The following MYLK4 variants were observed in gnomAD, a reference collection of about 807,000 sequenced individuals.
MYLK4 encodes the protein myosin light chain kinase family member 4.
A neutral mutation model predicts 48.1 loss-of-function variants in MYLK4; 46 were observed. The ratio of observed to expected loss-of-function variants is 0.96; its 90% CI spans 0.75 to 1.22. MYLK4 has a LOEUF of 1.22. MYLK4 is among the 50% of genes most tolerant of loss of function. MYLK4 has a pLI of 0.00. For synonymous variants in MYLK4, 170 were observed against 180.8 expected, an observed-to-expected ratio of 0.94 and a Z score of 0.48; for missense variants, 451 against 486.1, an observed-to-expected ratio of 0.93 and a Z score of 0.68.
At chr6:2,687,032 T>C (rs1761584478) in intron 4 of MYLK4, among the ~76,000 whole-genome samples, 1 of 152,204 alleles carries the variant, frequency 6.6e-6, no homozygotes, top group South Asian at 2.1e-4. Flanking sequence ...GGATTCATGC[T>C]GGTTCAACAC....
At chr6:2,733,076 T>C (rs1203787501) in intron 2 of MYLK4, among the ~76,000 whole-genome samples, 1 of 152,232 alleles carries the variant, frequency 6.6e-6, no homozygotes, top group Non-Finnish European at 1.5e-5. Context: ...TGGTCTCAGC[T>C]CTTCTTTAAA....
chr6:2,736,624 C>A (rs1430954455), intron 2 of MYLK4, among the ~76,000 whole-genome samples: 2 of 152,216 alleles, frequency 1.3e-5, no homozygotes, highest in Non-Finnish European at 2.9e-5. Flanking sequence ...AGCTTCAGAG[C>A]TAGACTGTAT....
At position 2,673,422 on chromosome 6, in the gene MYLK4, G is replaced by A. The variant is rs1760976664; in HGVS notation, c.1119+1625C>T. Among the ~76,000 whole-genome samples, 1 of 152,216 alleles carries A rather than the reference G, an allele frequency of 6.6e-6. No individual in the cohort carries two copies. Among genetic ancestry groups the A allele is most frequent in the South Asian group, 2.1e-4 (1 of 4,830 alleles). ...AAGTTAATTTCAATAAAAACTGGAT[G>A]TGGAAAAAGTGAGTACCTAAGGCAT... On this transcript the variant is annotated intron_variant, in intron 11 of 12. Coordinates refer to ENST00000274643, the MANE Select transcript of MYLK4 (RefSeq NM_001012418.5). The surrounding 1 kb of genome is among the most constrained non-coding windows in gnomAD (Gnocchi z 4.2).
At chr6:2,716,376 G>C (rs1486587121) in intron 2 of MYLK4, among the ~76,000 whole-genome samples, 1 of 152,182 alleles carries the variant, frequency 6.6e-6, no homozygotes, top group South Asian at 2.1e-4. Flanking sequence ...TCCTGTTTGG[G>C]TAAATCCTTT....
chr6:2,683,915 AG>A (rs1350485526), intron 6 of MYLK4, among the ~76,000 whole-genome samples: 4 of 152,158 alleles, frequency 2.6e-5, no homozygotes, highest in African/African-American at 9.7e-5. Context: ...GGCTGGTGCT[AG>A]ACACAGTAAT....
chr6:2,711,431 G>A lies in MYLK4; in HGVS notation c.160-18572C>T, dbSNP rs1240657556. Among the ~76,000 whole-genome samples, 3 of 152,200 alleles carry A rather than the reference G, an allele frequency of 2.0e-5. No individual in the cohort carries two copies. In the East Asian group the frequency reaches 5.8e-4, roughly 29 times the overall value. The stretch of plus-strand genomic sequence containing the variant: ...AGCATCCTCCTACCTTCACACTCAG[G>A]TGGTTCCATGTTCTAAATATTCTTA... On this transcript the variant is annotated intron_variant, in intron 2 of 12. Coordinates refer to ENST00000274643, the MANE Select transcript of MYLK4 (RefSeq NM_001012418.5).
chr6:2,736,729 G>A (rs1025063351), intron 2 of MYLK4, among the ~76,000 whole-genome samples: 11 of 152,214 alleles, frequency 7.2e-5, no homozygotes, highest in African/African-American at 9.7e-5. Context: ...GAAAAGGACA[G>A]AAACTGGAAG....
Position 2,672,788 on chromosome 6 carries a change from C to T in MYLK4, c.1120-1440G>A, listed in dbSNP as rs1760951697. Reference sequence around the variant, plus strand: ...AGGTCCCCTGTACCCAGCAGCCCATCACCGGCAGGAGAGCAGAGCAGTGAG... The same window carrying T: ...AGGTCCCCTGTACCCAGCAGCCCATTACCGGCAGGAGAGCAGAGCAGTGAG... On this transcript the variant is annotated intron_variant, in intron 11 of 12. Coordinates refer to ENST00000274643, the MANE Select transcript of MYLK4 (RefSeq NM_001012418.5). The surrounding 1 kb of genome is among the most constrained non-coding windows in gnomAD (Gnocchi z 4.3). Among the ~76,000 whole-genome samples the T allele has an allele frequency of 6.6e-6, 1 of 152,220 alleles. No individual in the cohort carries two copies. The highest frequency in any genetic ancestry group is 1.5e-5 in the Non-Finnish European group (1 of 68,044).
chr6:2,732,961 G>A (rs1003109305), intron 2 of MYLK4, among the ~76,000 whole-genome samples: 4 of 152,174 alleles, frequency 2.6e-5, no homozygotes, highest in African/African-American at 9.7e-5. Context: ...TAACACTGGA[G>A]TTGGATTTCA....
intron 2 of MYLK4, among the ~76,000 whole-genome samples, chr6:2,696,194 C>T (rs1762052693): frequency 6.6e-6 from 1 of 152,210 alleles, no homozygotes; most frequent in South Asian, 2.1e-4. Context: ...TTAGCTCTCT[C>T]CACTCTGTCT....
the MYLK4 span, among the ~76,000 whole-genome samples, chr6:2,757,144 T>C: frequency 6.6e-6 from 1 of 151,918 alleles, no homozygotes; most frequent in African/African-American, 2.4e-5. Context: ...GTGTGCTTTT[T>C]TTTTTTTTAA....
chr6:2,764,214 C>T, the MYLK4 span, among the ~76,000 whole-genome samples: 1 of 152,206 alleles, frequency 6.6e-6, no homozygotes, highest in African/African-American at 2.4e-5. Context: ...TCTAGCGTTT[C>T]TATTAATCTT....
At position 2,677,177 on chromosome 6, in the gene MYLK4, A is replaced by G. The variant is rs79737922; in HGVS notation, c.1040+1043T>C. ...ATTTTATTACATCTTTTTAAAAAAT[A>G]TCTATCCCTTTTATTAGATGGTGAG... On this transcript the variant is annotated intron_variant, in intron 10 of 12. Coordinates refer to ENST00000274643, the MANE Select transcript of MYLK4 (RefSeq NM_001012418.5). Among the ~76,000 whole-genome samples the G allele has an allele frequency of 8.4e-3, 1,284 of 152,296 alleles. 22 individuals carry two copies. The highest frequency in any genetic ancestry group is 0.029 in the African/African-American group (1,219 of 41,558).
In MYLK4 at chr6:2,672,956, T is replaced by TTGTGTATTAGCTGTAATACAC. The variant is rs1760959858; in HGVS notation, c.1120-1609_1120-1608insGTGTATTACAGCTAATACACA. ...AGAAGAGTACCTCCACAATACTGTA[T>TTGTGTATTAGCTGTAATACAC]AATTATAGCTGTAATAACTAGATTT... On this transcript the variant is annotated intron_variant, in intron 11 of 12. Coordinates refer to ENST00000274643, the MANE Select transcript of MYLK4 (RefSeq NM_001012418.5). The surrounding 1 kb of genome is among the most constrained non-coding windows in gnomAD (Gnocchi z 4.3). 6.6e-6 allele frequency among the ~76,000 whole-genome samples: 1 copy of TTGTGTATTAGCTGTAATACAC among 152,216 alleles called. No individual in the cohort carries two copies. Among genetic ancestry groups the TTGTGTATTAGCTGTAATACAC allele is most frequent in the Non-Finnish European group, 1.5e-5 (1 of 68,044 alleles).
intron 12 of MYLK4, among the ~76,000 whole-genome samples, chr6:2,668,984 C>G (rs1016246942): frequency 6.6e-6 from 1 of 152,054 alleles, no homozygotes; most frequent in African/African-American, 2.4e-5. Context: ...AGGAGGATCA[C>G]TTGAGTCCAG....
chr6:2,746,106 T>A (rs894199147), intron 2 of MYLK4, among the ~76,000 whole-genome samples: 13 of 87,266 alleles, frequency 1.5e-4, no homozygotes, highest in Non-Finnish European at 2.7e-4. Context: ...CAAAAAAAAA[T>A]ATAAAAAAAA....
At chr6:2,678,711 G>GTTTTTTT (rs11344815) in intron 9 of MYLK4, among the ~76,000 whole-genome samples, 1 of 132,322 alleles carries the variant, frequency 7.6e-6, no homozygotes, top group African/African-American at 2.8e-5. Flanking sequence ...TAGGAGATCA[G>GTTTTTTT]TTTTTTTTTT....
rs1383911427 is a variant in MYLK4, at chr6:2,685,240, G to T, written c.545+56C>A. The T allele has an allele frequency of 7.4e-7, 1 of 1,345,630 alleles. No individual in the cohort carries two copies. Among genetic ancestry groups the T allele is most frequent in the East Asian group, 2.3e-5 (1 of 43,004 alleles). The allele number at this position is 1,345,630 out of a possible 1,614,324, so 83.4% of individuals were successfully genotyped here. On this transcript the variant is annotated intron_variant, in intron 6 of 12. Transcript: ENST00000274643. This position sits in a 1 kb window ranked among gnomAD's most constrained non-coding sequence, Gnocchi z 4.5. ...AGCAGGACGGAGCTACTGAGGCACG[G>T]TCACGGTCATGAGTGCCCTTGGGGA...
chr6:2,745,755 G>A (rs1764063531), intron 2 of MYLK4, among the ~76,000 whole-genome samples: 2 of 151,686 alleles, frequency 1.3e-5, no homozygotes, highest in Non-Finnish European at 2.9e-5. Context: ...GGAGACCCCT[G>A]TCTCTACAAA....
Sources: gnomAD v4.1 joint callset for allele counts (sites outside exome capture counted in the v4.1 genomes callset) on GRCh38, gnomAD v4.1.1 for gene constraint, Gnocchi (gnomAD v3.1) non-coding constraint, MANE v1.5 for transcripts, NCBI Gene and HGNC (gene_info 2026-07-23, HGNC 2026-07-21) for gene names.